Variants in PCDH15 observed in about 807,000 individuals in gnomAD.
The protein encoded by PCDH15 is protocadherin-15.
Under a neutral mutation model 178.5 loss-of-function variants are expected in PCDH15, and 129 were observed. The observed-to-expected ratio is 0.72, with a 90% CI of 0.63 to 0.84. The LOEUF is 0.84. PCDH15 is among the 40% of genes least tolerant of loss of function. The probability of loss-of-function intolerance (pLI) is 0.00; values close to 1 mark genes in which losing one functional copy is unlikely to be tolerated. For synonymous variants in PCDH15, 800 were observed against 732.0 expected (o/e 1.09, Z -1.50); for missense variants, 2,230 against 2,099.9 (o/e 1.06, Z -1.21).
chr10:54,026,741 A>C (rs1275538224), intron 18 of PCDH15, among the ~76,000 whole-genome samples: 3 of 152,150 alleles, frequency 2.0e-5, no homozygotes, highest in Admixed American at 6.5e-5. Flanking sequence ...ATTCAACGAC[A>C]CTTCATGCTA....
At chr10:55,307,215 A>G (rs943822575) in intron 1 of PCDH15, among the ~76,000 whole-genome samples, 2 of 151,948 alleles carry the variant, frequency 1.3e-5, no homozygotes, top group Non-Finnish European at 2.9e-5. Context: ...AAAAATTTGT[A>G]TTTTCGGACT....
chr10:54,595,317 A>G (rs1009802100), intron 2 of PCDH15, among the ~76,000 whole-genome samples: 2 of 152,210 alleles, frequency 1.3e-5, no homozygotes, highest in Non-Finnish European at 2.9e-5. Flanking sequence ...GAGTTAGAGC[A>G]CACAATGCAG....
At chr10:54,340,396 C>T (rs1341605631) in intron 6 of PCDH15, among the ~76,000 whole-genome samples, 1 of 152,088 alleles carries the variant, frequency 6.6e-6, no homozygotes, top group Non-Finnish European at 1.5e-5. Context: ...AAATACTTTT[C>T]TCCAGGCAAG....
intron 2 of PCDH15, among the ~76,000 whole-genome samples, chr10:55,160,518 A>G (rs990860739): frequency 3.3e-5 from 5 of 152,050 alleles, no homozygotes; most frequent in African/African-American, 1.2e-4. Flanking sequence ...AGACAATATT[A>G]ACAGCATCAT....
intron 2 of PCDH15, among the ~76,000 whole-genome samples, chr10:55,356,266 A>G (rs1845078002): frequency 6.6e-6 from 1 of 151,886 alleles, no homozygotes; most frequent in South Asian, 2.1e-4. Flanking sequence ...TGAGAGAGGG[A>G]AAGAATAAGA....
intron 34 of PCDH15, among the ~76,000 whole-genome samples, chr10:53,816,564 G>C (rs890679810): frequency 1.9e-4 from 29 of 151,998 alleles, no homozygotes; most frequent in African/African-American, 7.0e-4. Flanking sequence ...TTTTTGTTTT[G>C]TTAAGCTCCA....
chr10:55,049,340 G>A (rs1028008138), intron 2 of PCDH15, among the ~76,000 whole-genome samples: 3 of 151,854 alleles, frequency 2.0e-5, no homozygotes, highest in African/African-American at 7.2e-5. Flanking sequence ...CATACAGACT[G>A]TATCTTCAGA....
intron 3 of PCDH15, among the ~76,000 whole-genome samples, chr10:54,816,781 T>C (rs1952956115): frequency 6.6e-6 from 1 of 152,044 alleles, no homozygotes; most frequent in Non-Finnish European, 1.5e-5. Flanking sequence ...CCACAAATAT[T>C]TTTTATATAG....
chr10:55,351,791 G>T (rs1212079829), intron 2 of PCDH15, among the ~76,000 whole-genome samples: 1 of 152,106 alleles, frequency 6.6e-6, no homozygotes, highest in Non-Finnish European at 1.5e-5. Flanking sequence ...TAATGTTAAA[G>T]TTGCTTTCAT....
chr10:54,762,664 C>T (rs6481121), intron 1 of PCDH15, among the ~76,000 whole-genome samples: 138,500 of 152,114 alleles, frequency 0.91, 63,112 homozygotes, highest in Middle Eastern at 0.95. Context: ...TTAGAGTAAA[C>T]ACTTATGAAA....
intron 1 of PCDH15, among the ~76,000 whole-genome samples, chr10:55,315,535 C>T (rs1386665241): frequency 2.0e-5 from 3 of 152,192 alleles, no homozygotes; most frequent in Non-Finnish European, 2.9e-5. Flanking sequence ...CACCTAGCCA[C>T]AACTGTGTTA....
At chr10:54,934,955 A>C (rs1282117252) in intron 2 of PCDH15, among the ~76,000 whole-genome samples, 1 of 152,042 alleles carries the variant, frequency 6.6e-6, no homozygotes, top group African/African-American at 2.4e-5. Context: ...TGGAAATCAT[A>C]ATTCTCAGTA....
chr10:54,519,476 A>G (rs1207610785), intron 3 of PCDH15, among the ~76,000 whole-genome samples: 5 of 152,176 alleles, frequency 3.3e-5, no homozygotes, highest in African/African-American at 7.2e-5. Context: ...CTTCAAAGAG[A>G]ATAAAATACC....
At chr10:54,048,911 T>C (rs2093710090) in intron 18 of PCDH15, among the ~76,000 whole-genome samples, 1 of 151,702 alleles carries the variant, frequency 6.6e-6, no homozygotes, top group African/African-American at 2.4e-5. Flanking sequence ...AGTTAAATGG[T>C]ACTGGTAGTT....
chr10:54,332,937 G>C, intron 6 of PCDH15, among the ~76,000 whole-genome samples: 1 of 151,842 alleles, frequency 6.6e-6, no homozygotes, highest in South Asian at 2.1e-4. Flanking sequence ...TTATATGTAT[G>C]TATTTATTTA....
intron 2 of PCDH15, among the ~76,000 whole-genome samples, chr10:55,130,462 C>T (rs1838009718): frequency 6.6e-6 from 1 of 152,098 alleles, no homozygotes; most frequent in African/African-American, 2.4e-5. Context: ...AGGTGAAATA[C>T]TATCACTTAG....
At chr10:54,138,311 C>G (rs73241718) in intron 14 of PCDH15, among the ~76,000 whole-genome samples, 2,342 of 152,012 alleles carry the variant, frequency 0.015, 76 homozygotes, top group African/African-American at 0.054. Context: ...TGGCTCCTCT[C>G]AATTTGAGAA....
chr10:53,803,072 C>A lies in PCDH15; in HGVS notation c.*3507G>T, dbSNP rs545752800. ...AAGATCAAAATTAACTATTGAAAAC[C>A]AATAAAAAAAATAGAACAAAAATTT... is the stretch of plus-strand genomic sequence containing the variant. On this transcript the variant is annotated 3_prime_UTR_variant, in exon 38 of 38. Transcript: ENST00000644397. 6.6e-6 allele frequency: 1 copy of A among 151,550 alleles called. No homozygotes were observed. Among genetic ancestry groups the A allele is most frequent in the African/African-American group, 2.4e-5 (1 of 41,388 alleles). The allele number at this position is 151,550 out of a possible 1,614,324, so 9.4% of individuals were successfully genotyped here.
chr10:53,956,620 C>T (rs1298248649), intron 23 of PCDH15, among the ~76,000 whole-genome samples: 5 of 152,118 alleles, frequency 3.3e-5, no homozygotes, highest in Admixed American at 3.3e-4. Flanking sequence ...TGATTCTTAG[C>T]ATCTCTGGGA....
Sources: gnomAD v4.1 joint callset for allele counts (sites outside exome capture counted in the v4.1 genomes callset) on GRCh38, gnomAD v4.1.1 for gene constraint, MANE v1.5 for transcripts, NCBI Gene and HGNC (gene_info 2026-07-23, HGNC 2026-07-21) for gene names.